Variants in PPFIBP1 observed in about 807,000 individuals in gnomAD.
PPFIBP1 encodes the protein PPFIB scaffold protein 1.
A neutral mutation model predicts 137.8 loss-of-function variants in PPFIBP1; 112 were observed. That is an observed-to-expected ratio of 0.81 (90% CI 0.70 to 0.95). The LOEUF is 0.95. Ranked by LOEUF, PPFIBP1 falls within the 40% of genes least tolerant of loss-of-function variation. The pLI is 0.00. For synonymous variants in PPFIBP1, 378 were observed against 417.3 expected, an observed-to-expected ratio of 0.91 and a Z score of 1.15; for missense variants, 1,083 against 1,196.6, an observed-to-expected ratio of 0.91 and a Z score of 1.40.
At chr12:27,593,957 A>T (rs1019597841) in intron 2 of PPFIBP1, 8 of 1,451,508 alleles carry the variant, frequency 5.5e-6, no homozygotes, top group African/African-American at 1.4e-5. Context: ...CTCACAGGGG[A>T]AATAGCCCAC....
intron 1 of PPFIBP1, chr12:27,549,046 T>A (rs1253208855): frequency 6.6e-6 from 1 of 152,198 alleles, no homozygotes; most frequent in African/African-American, 2.4e-5. Flanking sequence ...GATGATTTGG[T>A]CATTGGATGT....
chr12:27,544,181 CT>C (rs536494366), intron 1 of PPFIBP1, among the ~76,000 whole-genome samples: 130 of 152,246 alleles, frequency 8.5e-4, no homozygotes, highest in African/African-American at 2.9e-3. Context: ...CATGTCCCCC[CT>C]GATTTTTAAA....
intron 2 of PPFIBP1, among the ~76,000 whole-genome samples, chr12:27,590,882 G>T (rs941480425): frequency 7.2e-5 from 11 of 152,096 alleles, no homozygotes; most frequent in African/African-American, 2.7e-4. Flanking sequence ...GCCAAGTTTG[G>T]GTAGGAGGTA....
chr12:27,536,012 C>G (rs66467962), intron 1 of PPFIBP1, among the ~76,000 whole-genome samples: 25,241 of 152,104 alleles, frequency 0.17, 2,338 homozygotes, highest in Middle Eastern at 0.26. Context: ...AAACGCTAAG[C>G]CTCCTTGGTC....
chr12:27,558,703 A>G (rs1286224237), intron 1 of PPFIBP1, among the ~76,000 whole-genome samples: 1 of 152,114 alleles, frequency 6.6e-6, no homozygotes, highest in East Asian at 1.9e-4. Flanking sequence ...AGCATAAAGA[A>G]TGGTGTTTAA....
At chr12:27,599,319 T>C (rs1252471430) in intron 2 of PPFIBP1, 1 of 336,552 alleles carries the variant, frequency 3.0e-6, no homozygotes, top group Admixed American at 3.5e-5. Context: ...AAAGGAGATT[T>C]TGCACAGTCC....
At chr12:27,639,846 C>T (rs530912267) in intron 4 of PPFIBP1, among the ~76,000 whole-genome samples, 16 of 152,320 alleles carry the variant, frequency 1.1e-4, no homozygotes, top group Admixed American at 6.5e-4. Flanking sequence ...GGGACATGCT[C>T]TCTGCAGGGC....
Position 27,679,533 on chromosome 12 carries a change from G to A in PPFIBP1, c.1660G>A (p.Ala554Thr). The A allele has an allele frequency of 1.2e-6, 2 of 1,614,082 alleles. No homozygotes were observed. Among genetic ancestry groups the A allele is most frequent in the East Asian group, 2.2e-5 (1 of 44,888 alleles). Reference sequence around the variant, plus strand: ...AGCAGAGCACCTAGATCTGGCTGGTGCTTCTTCTCGGCCAAAAGATTCACA... The same window carrying A: ...AGCAGAGCACCTAGATCTGGCTGGTACTTCTTCTCGGCCAAAAGATTCACA... ...ETAEHLDLAGASSRPKDSQRN... is the reference protein window; with the variant it reads ...ETAEHLDLAGTSSRPKDSQRN... Residue 554 changes from alanine (A) to threonine (T), a missense_variant, in exon 20 of 30, where the codon GCT becomes ACT. Ala to Thr is a moderately conservative substitution (Grantham distance 58, BLOSUM62 0). Transcript: ENST00000228425.
chr12:27,653,017 T>C (rs2058970885), intron 7 of PPFIBP1, among the ~76,000 whole-genome samples: 1 of 152,192 alleles, frequency 6.6e-6, no homozygotes, highest in Non-Finnish European at 1.5e-5. Flanking sequence ...TAAGGTGTAA[T>C]TGTATAACTA....
chr12:27,663,912 T>A (rs1013563295), intron 11 of PPFIBP1, among the ~76,000 whole-genome samples: 2 of 151,138 alleles, frequency 1.3e-5, no homozygotes, highest in African/African-American at 4.9e-5. Flanking sequence ...CTTGGTAGAG[T>A]GTTTTAAGAG....
At chr12:27,643,034 A>G (rs1465653367) in intron 4 of PPFIBP1, among the ~76,000 whole-genome samples, 1 of 152,012 alleles carries the variant, frequency 6.6e-6, no homozygotes, top group Non-Finnish European at 1.5e-5. Context: ...AAAGGCTCTG[A>G]GATCAGGCGG....
intron 2 of PPFIBP1, among the ~76,000 whole-genome samples, chr12:27,578,902 C>T (rs1018745240): frequency 1.8e-4 from 27 of 152,292 alleles, no homozygotes; most frequent in African/African-American, 5.5e-4. Context: ...GATGAGGATC[C>T]GAGAGAGGTA....
chr12:27,577,908 T>A (rs2050706493), intron 1 of PPFIBP1, among the ~76,000 whole-genome samples: 1 of 152,098 alleles, frequency 6.6e-6, no homozygotes, highest in Non-Finnish European at 1.5e-5. Flanking sequence ...CAGGGAATAT[T>A]TGAGGTTGTC....
chr12:27,541,245 G>A (rs1310297479), intron 1 of PPFIBP1, among the ~76,000 whole-genome samples: 1 of 151,876 alleles, frequency 6.6e-6, no homozygotes, highest in African/African-American at 2.4e-5. Flanking sequence ...GCACGTGTGT[G>A]TGTGTGTGAG....
At chr12:27,686,003 A>G (rs1367334963) in intron 24 of PPFIBP1, among the ~76,000 whole-genome samples, 2 of 152,232 alleles carry the variant, frequency 1.3e-5, no homozygotes, top group African/African-American at 4.8e-5. Context: ...TTTTAATCAC[A>G]CTGTAAACAT....
rs149093315 is a variant in PPFIBP1 at position 27,682,488 on chromosome 12, C to T, written c.2148C>T (p.Asn716=). ...EETNHGKLDF[N]WVTRWLDDIG... is the part of the protein sequence containing the mutation. Reference sequence around the variant, plus strand: ...CCAATCATGGGAAGCTGGATTTCAACTGGGTCACTAGTAAGAAGTTTTTAT... The same window carrying T: ...CCAATCATGGGAAGCTGGATTTCAATTGGGTCACTAGTAAGAAGTTTTTAT... The change falls in exon 23 of 30, where the codon AAC becomes AAT. Residue 716 remains asparagine, a synonymous_variant. Transcript: ENST00000228425. 242 of 1,613,094 alleles carry T rather than the reference C, an allele frequency of 1.5e-4. No homozygotes were observed. Among genetic ancestry groups the T allele is most frequent in the Non-Finnish European group, 1.8e-4 (218 of 1,179,192 alleles).
intron 7 of PPFIBP1, among the ~76,000 whole-genome samples, chr12:27,651,407 C>T (rs972793085): frequency 1.3e-5 from 2 of 152,076 alleles, no homozygotes; most frequent in African/African-American, 4.8e-5. Flanking sequence ...CATGCCCAGC[C>T]ATGTTTTAAT....
In PPFIBP1 at chr12:27,654,832, G is replaced by T. The variant is rs749084881; in HGVS notation, c.696+18G>T. The T allele has an allele frequency of 7.1e-5, 114 of 1,605,902 alleles. 3 individuals carry two copies. The South Asian group carries it at 1.2e-3, about 17-fold the overall frequency. On this transcript the variant is annotated intron_variant, in intron 8 of 29. Coordinates refer to ENST00000228425, the MANE Select transcript of PPFIBP1 (RefSeq NM_003622.4). ...CAACCAAAGTAAGTTTTTCTCACAG[G>T]TTAACATTTTCAAACAAATGGCATC...
Position 27,647,729 on chromosome 12 carries a change from GT to G in PPFIBP1, c.359del (p.Val120GlufsTer4). 1 of 1,588,730 alleles carries G rather than the reference GT, an allele frequency of 6.3e-7. No individual in the cohort carries two copies. Among genetic ancestry groups the G allele is most frequent in the African/African-American group, 1.4e-5 (1 of 73,784 alleles). On this transcript the variant is annotated frameshift_variant and splice_region_variant, in exon 6 of 30. Coordinates refer to ENST00000228425, the MANE Select transcript of PPFIBP1 (RefSeq NM_003622.4). LOFTEE classifies it high-confidence loss of function. ...ENDKESLVLQ[V>X]SVLTDQVEAQ... ...TTGCATTATTTTGCTCTAAATACAG[GT>G]AAGTGTGTTAACAGACCAGGTGGAG...
Sources: allele counts gnomAD v4.1 joint callset (sites outside exome capture counted in the v4.1 genomes callset), GRCh38; gene constraint gnomAD v4.1.1; transcripts MANE v1.5; gene names NCBI Gene and HGNC (gene_info 2026-07-23, HGNC 2026-07-21).